The following ZRANB3 variants were observed in gnomAD, a reference collection of about 807,000 sequenced individuals.
ZRANB3 encodes DNA annealing helicase and endonuclease ZRANB3.
ZRANB3 carries 125 observed loss-of-function variants against 133.8 expected under a neutral mutation model. The observed-to-expected ratio is 0.93, with a 90% CI of 0.81 to 1.08. The LOEUF (loss-of-function observed/expected upper bound fraction) is 1.08, where lower values mean the gene tolerates loss of function less well. ZRANB3 is among the 50% of genes least tolerant of loss of function. ZRANB3 has a pLI of 0.00. For synonymous variants in ZRANB3, 387 were observed against 432.7 expected, an observed-to-expected ratio of 0.89 and a Z score of 1.31; for missense variants, 1,229 against 1,275.5, an observed-to-expected ratio of 0.96 and a Z score of 0.56.
At chr2:135,468,776 G>A (rs1396961224) in intron 2 of ZRANB3, among the ~76,000 whole-genome samples, 1 of 152,172 alleles carries the variant, frequency 6.6e-6, no homozygotes, top group East Asian at 1.9e-4. Flanking sequence ...AAGCTAGAAA[G>A]ACAAAGTAAA....
intron 2 of ZRANB3, among the ~76,000 whole-genome samples, chr2:135,436,629 G>A (rs1689545854): frequency 6.6e-6 from 1 of 152,054 alleles, no homozygotes; most frequent in African/African-American, 2.4e-5. Context: ...CAAACAAATG[G>A]AAGAACATCT....
chr2:135,459,099 A>C (rs77854115), intron 2 of ZRANB3, among the ~76,000 whole-genome samples: 2,237 of 152,278 alleles, frequency 0.015, 36 homozygotes, highest in Non-Finnish European at 0.02. Flanking sequence ...GATAAAAACT[A>C]AATGAAAGTG....
chr2:135,454,993 T>A (rs935485040), intron 2 of ZRANB3, among the ~76,000 whole-genome samples: 3 of 152,062 alleles, frequency 2.0e-5, no homozygotes, highest in African/African-American at 7.2e-5. Flanking sequence ...TTGCTATTTT[T>A]TTATTTCAGC....
chr2:135,310,227 G>A (rs911629779), intron 8 of ZRANB3, among the ~76,000 whole-genome samples: 3 of 152,090 alleles, frequency 2.0e-5, no homozygotes, highest in African/African-American at 4.8e-5. Flanking sequence ...ATGAGCCACC[G>A]TGCCTGGCCT....
At chr2:135,268,162 T>G (rs540773107) in intron 11 of ZRANB3, among the ~76,000 whole-genome samples, 4 of 152,240 alleles carry the variant, frequency 2.6e-5, no homozygotes, top group Admixed American at 1.3e-4. Flanking sequence ...CTAACCCTTT[T>G]TTTTTTCTTT....
intron 17 of ZRANB3, among the ~76,000 whole-genome samples, chr2:135,216,413 C>T (rs1443570672): frequency 1.3e-5 from 2 of 151,984 alleles, no homozygotes; most frequent in African/African-American, 2.4e-5. Flanking sequence ...GCCAATGCTG[C>T]CATTTGGTTT....
intron 8 of ZRANB3, among the ~76,000 whole-genome samples, chr2:135,305,132 C>T (rs368642885): frequency 3.9e-5 from 6 of 152,086 alleles, no homozygotes; most frequent in Non-Finnish European, 5.9e-5. Context: ...TGTGTGCCAC[C>T]GTGCCCGGCT....
chr2:135,357,387 C>T (rs889822957), intron 3 of ZRANB3, among the ~76,000 whole-genome samples: 2 of 152,176 alleles, frequency 1.3e-5, no homozygotes, highest in African/African-American at 4.8e-5. Flanking sequence ...TGTCTGCCTC[C>T]TGGGTTCAAG....
intron 2 of ZRANB3, among the ~76,000 whole-genome samples, chr2:135,494,898 C>G (rs981726464): frequency 6.6e-6 from 1 of 152,170 alleles, no homozygotes; most frequent in Non-Finnish European, 1.5e-5. Context: ...CTATAAAAGA[C>G]AGCATTGGGA....
chr2:135,251,757 C>G (rs536753176), intron 12 of ZRANB3, among the ~76,000 whole-genome samples: 2 of 152,322 alleles, frequency 1.3e-5, no homozygotes, highest in African/African-American at 4.8e-5. Flanking sequence ...TCTTTTTCCG[C>G]TGGGCATGGT....
intron 8 of ZRANB3, among the ~76,000 whole-genome samples, chr2:135,289,204 G>C (rs11889000): frequency 0.061 from 9,352 of 152,126 alleles, 571 homozygotes; most frequent in African/African-American, 0.16. Context: ...TTCAGGAACA[G>C]ACTATTTAAT....
At chr2:135,262,827 C>G (rs753431975) in intron 12 of ZRANB3, among the ~76,000 whole-genome samples, 1 of 150,686 alleles carries the variant, frequency 6.6e-6, no homozygotes, top group Non-Finnish European at 1.5e-5. Context: ...AAACAGCAGA[C>G]ATTATAAATT....
chr2:135,208,885 T>G lies in ZRANB3; in HGVS notation c.2589A>C (p.Pro863=). Reference sequence around the variant, plus strand: ...AACCTTACTTTGTGAAAGGATCCCGTGGCCTGGACTCCTTTGTGATCAGAC... The same window carrying G: ...AACCTTACTTTGTGAAAGGATCCCGGGGCCTGGACTCCTTTGTGATCAGAC... ...HVRLITKESR[P]RDPFTKKLLE... is the part of the protein sequence containing the mutation. The change falls in exon 18 of 21, where the codon CCA becomes CCC. Residue 863 remains proline (P), a synonymous_variant. Transcript: ENST00000264159. The G allele has an allele frequency of 2.5e-6, 4 of 1,613,960 alleles. No homozygotes were observed. Among genetic ancestry groups the G allele is most frequent in the Non-Finnish European group, 3.4e-6 (4 of 1,179,828 alleles).
intron 8 of ZRANB3, among the ~76,000 whole-genome samples, chr2:135,309,359 T>C (rs1187416637): frequency 3.3e-5 from 5 of 152,180 alleles, no homozygotes; most frequent in Non-Finnish European, 5.9e-5. Context: ...TGTTCAGTCC[T>C]ATCATTTCTA....
chr2:135,496,664 G>A (rs1046617731), intron 2 of ZRANB3, among the ~76,000 whole-genome samples: 1 of 152,096 alleles, frequency 6.6e-6, no homozygotes, highest in African/African-American at 2.4e-5. Context: ...GATATTCTAG[G>A]AGTTAAAAAT....
intron 3 of ZRANB3, among the ~76,000 whole-genome samples, chr2:135,372,612 C>T (rs1686233665): frequency 6.6e-6 from 1 of 151,766 alleles, no homozygotes; most frequent in African/African-American, 2.4e-5. Context: ...ATGGTGAAAC[C>T]CGTCTCTACT....
intron 8 of ZRANB3, among the ~76,000 whole-genome samples, chr2:135,287,058 GATTT>G (rs1171514292): frequency 4.6e-5 from 7 of 152,196 alleles, no homozygotes; most frequent in Non-Finnish European, 1.0e-4. Flanking sequence ...TTTTAGGTCA[GATTT>G]AAGTGTTTGA....
chr2:135,371,163 T>C (rs1412515951), intron 3 of ZRANB3, among the ~76,000 whole-genome samples: 1 of 152,228 alleles, frequency 6.6e-6, no homozygotes, highest in Non-Finnish European at 1.5e-5. Context: ...TTTAAGCTCA[T>C]TACTCAAAAA....
At chr2:135,310,475 G>C (rs986070054) in intron 8 of ZRANB3, among the ~76,000 whole-genome samples, 1 of 151,954 alleles carries the variant, frequency 6.6e-6, no homozygotes, top group Non-Finnish European at 1.5e-5. Context: ...AAAAAAATCA[G>C]AACTGCTACC....
Sources: allele counts gnomAD v4.1 joint callset (sites outside exome capture counted in the v4.1 genomes callset), GRCh38; gene constraint gnomAD v4.1.1; transcripts MANE v1.5; gene names NCBI Gene and HGNC (gene_info 2026-07-23, HGNC 2026-07-21).